Variants in POLR3E observed in about 807,000 individuals in gnomAD.
POLR3E encodes RNA polymerase III subunit E.
In POLR3E, 41 loss-of-function variants were observed where a neutral mutation model predicts 96.6. The ratio of observed to expected loss-of-function variants is 0.42; its 90% CI spans 0.33 to 0.55. POLR3E has a LOEUF of 0.55. Among genes scored for constraint, POLR3E ranks in the 20% least tolerant of loss-of-function variants. The pLI is 0.06. For synonymous variants in POLR3E, 396 were observed against 383.6 expected (o/e 1.03, Z -0.38); for missense variants, 849 against 952.1 (o/e 0.89, Z 1.43).
At chr16:22,327,824 C>T (rs903890288) in intron 18 of POLR3E, 3 of 152,264 alleles carry the variant, frequency 2.0e-5, no homozygotes, top group Non-Finnish European at 4.4e-5. Flanking sequence ...GTTTCTAATG[C>T]TCAAATGCAA....
In POLR3E at chr16:22,313,681, G is replaced by A. The variant is rs1243168972; in HGVS notation, c.426G>A (p.Leu142=). The change falls in exon 7 of 21, where the codon CTG becomes CTA. Residue 142 remains leucine, a synonymous_variant. Coordinates refer to ENST00000299853, the MANE Select transcript of POLR3E (RefSeq NM_018119.4). This position sits in a 1 kb window ranked among gnomAD's most constrained non-coding sequence, Gnocchi z 4.1. ...AGCTGCGGCCCAGCTTCTCCTACCTGGATAAGGCTGACGCCAAGCACCGGG... is the reference window on the plus strand; with the variant it reads ...AGCTGCGGCCCAGCTTCTCCTACCTAGATAAGGCTGACGCCAAGCACCGGG... The part of the protein sequence containing the change: ...ILQLRPSFSY[L]DKADAKHRER... 1.2e-6 allele frequency: 2 copies of A among 1,613,878 alleles called. No individual in the cohort carries two copies. The highest frequency in any genetic ancestry group is 2.2e-5 in the South Asian group (2 of 91,074).
In POLR3E at chr16:22,313,506, G is replaced by A. The variant is rs528063879; in HGVS notation, c.365-114G>A. The A allele has an allele frequency of 1.3e-5, 9 of 678,350 alleles. No individual in the cohort carries two copies. Among genetic ancestry groups the A allele is most frequent in the African/African-American group, 5.3e-5 (3 of 56,086 alleles). The allele number at this position is 678,350 out of a possible 1,614,324, so 42.0% of individuals were successfully genotyped here. A position where few individuals can be genotyped will look rare whatever the true frequency, so the allele number is the denominator to read the frequency against. ...AGACTCTAGGATTGGGGGCTGCAGC[G>A]GGAATGGGAGGCGGTTTGATGGTGG... On this transcript the variant is annotated intron_variant, in intron 6 of 20. Transcript: ENST00000299853. This position sits in a 1 kb window ranked among gnomAD's most constrained non-coding sequence, Gnocchi z 4.1.
rs528993338 is a variant in POLR3E, at chr16:22,301,240, C to T, written c.-38-1691C>T. ...GAGGCTTGTGGGAGATGAGGTCTGG[C>T]AGGTCAAGGGGCAGGAGATTGTTTA... On this transcript the variant is annotated intron_variant, in intron 1 of 20. Transcript: ENST00000299853. Among the ~76,000 whole-genome samples the T allele has an allele frequency of 3.9e-5, 6 of 152,204 alleles. No homozygotes were observed. In the East Asian group the frequency reaches 7.7e-4, roughly 20 times the overall value.
chr16:22,326,603 T>A, intron 18 of POLR3E: 1 of 454,138 alleles, frequency 2.2e-6, no homozygotes, highest in Non-Finnish European at 4.0e-6. Context: ...ACCTGTTTCC[T>A]ACTAGCTTTG....
At chr16:22,333,520 C>A in intron 20 of POLR3E, 124 bp from the exon 21 acceptor site, 2 of 687,472 alleles carry the variant, frequency 2.9e-6, no homozygotes, top group Non-Finnish European at 5.3e-6. Flanking sequence ...TATGGTTAGG[C>A]AGTTTTTGAT....
chr16:22,308,782 G>A (rs1465534633), intron 4 of POLR3E, 143 bp from the exon 5 acceptor site: 1 of 605,828 alleles, frequency 1.7e-6, no homozygotes, highest in African/African-American at 1.9e-5. Context: ...GTGGACTGAA[G>A]TCCAGGGGCC....
Position 22,333,795 on chromosome 16 carries a change from C to G in POLR3E, c.*95C>G. The G allele has an allele frequency of 1.2e-6, 1 of 830,134 alleles. No homozygotes were observed. The highest frequency in any genetic ancestry group is 2.1e-6 in the Non-Finnish European group (1 of 474,280). The allele number at this position is 830,134 out of a possible 1,614,324, so 51.4% of individuals were successfully genotyped here. ...TCGACTTGCTTCAGACGACACAGAG[C>G]AAGAGGAACTGACCATCTCATGACC... On this transcript the variant is annotated 3_prime_UTR_variant, in exon 21 of 21. Transcript: ENST00000299853.
rs369243430 is a variant in POLR3E at position 22,302,920 on chromosome 16, C to G, written c.-38-11C>G. 1.3e-6 allele frequency: 2 copies of G among 1,573,320 alleles called. No individual in the cohort carries two copies. The highest frequency in any genetic ancestry group is 8.7e-7 in the Non-Finnish European group (1 of 1,142,912). On this transcript the variant is annotated splice_polypyrimidine_tract_variant and intron_variant, in intron 1 of 20. Coordinates refer to ENST00000299853, the MANE Select transcript of POLR3E (RefSeq NM_018119.4). Reference sequence around the variant, plus strand: ...CGACTGATGGTCCCAGTCTCTCGCCCTCCTTTGCAGATCGAGCTGAAGGAC... The same window carrying G: ...CGACTGATGGTCCCAGTCTCTCGCCGTCCTTTGCAGATCGAGCTGAAGGAC...
chr16:22,326,150 G>C lies in POLR3E; in HGVS notation c.1738G>C (p.Glu580Gln). The change falls in exon 18 of 21, where the codon GAA (glutamate) becomes CAA (glutamine). Residue 580 changes from glutamate (E) to glutamine (Q), a missense_variant. Coordinates refer to ENST00000299853, the MANE Select transcript of POLR3E (RefSeq NM_018119.4). ...GAGACAGTTTGTGCTCACGCTGAGCGAACTCAAGCGCCTCTTCAATCTGCA... is the reference window on the plus strand; with the variant it reads ...GAGACAGTTTGTGCTCACGCTGAGCCAACTCAAGCGCCTCTTCAATCTGCA... ...FQRQFVLTLS[E>Q]LKRLFNLHLA... 3 of 1,614,008 alleles carry C rather than the reference G, an allele frequency of 1.9e-6. No individual in the cohort carries two copies. Among genetic ancestry groups the C allele is most frequent in the Non-Finnish European group, 2.5e-6 (3 of 1,180,016 alleles).
At position 22,317,018 on chromosome 16, in the gene POLR3E, C is replaced by T. The variant is rs1334844446; in HGVS notation, c.752C>T (p.Pro251Leu). The change falls in exon 11 of 21, where the codon CCA becomes CTA. Residue 251 changes from proline to leucine, a missense_variant. Physicochemically the swap from Pro to Leu is moderately conservative, Grantham distance 98. Coordinates refer to ENST00000299853, the MANE Select transcript of POLR3E (RefSeq NM_018119.4). ...AGTGAGTACCTGATGATGCTGATGC[C>T]ACCCAGCCAGGAGGAGGAGAAGTGA... ...SPSEYLMMLM[P>L]PSQEEEKDKP... 6.2e-7 allele frequency: 1 copy of T among 1,614,190 alleles called. No individual in the cohort carries two copies.
chr16:22,311,409 G>T (rs1213253617), intron 6 of POLR3E, among the ~76,000 whole-genome samples: 2 of 151,408 alleles, frequency 1.3e-5, no homozygotes, highest in Admixed American at 6.6e-5. Flanking sequence ...TGTCCTATAA[G>T]CTGGTTTTAG....
In POLR3E at chr16:22,318,867, C is replaced by T; in HGVS notation, c.907C>T (p.Pro303Ser). 6.2e-7 allele frequency: 1 copy of T among 1,613,402 alleles called. No individual in the cohort carries two copies. Among genetic ancestry groups the T allele is most frequent in the Non-Finnish European group, 8.5e-7 (1 of 1,179,530 alleles). ...PFANLMSLLG[P>S]SIDSVAVLRG... ...TGCCAACTTGATGAGCCTCCTGGGC[C>T]CCTCCATCGATTCCGTGGCTGTTCT... The change falls in exon 13 of 21, where the codon CCC becomes TCC. Residue 303 changes from proline to serine, a missense_variant. By Grantham distance (74) the Pro-to-Ser change is moderately conservative. Coordinates refer to ENST00000299853, the MANE Select transcript of POLR3E (RefSeq NM_018119.4). The surrounding 1 kb of genome is among the most constrained non-coding windows in gnomAD (Gnocchi z 5.0).
rs772522490 is a variant in POLR3E, at chr16:22,316,706, C to A, written c.728+20C>A. On this transcript the variant is annotated intron_variant, in intron 10 of 20. Transcript: ENST00000299853. Reference sequence around the variant, plus strand: ...ACCCAGGTGGGATGGGCTGGGCCAGCATGCAAACTGGATGCCTGCCCAGGG... The same window carrying A: ...ACCCAGGTGGGATGGGCTGGGCCAGAATGCAAACTGGATGCCTGCCCAGGG... 1.9e-6 allele frequency: 3 copies of A among 1,598,264 alleles called. No individual in the cohort carries two copies. Among genetic ancestry groups the A allele is most frequent in the Non-Finnish European group, 2.6e-6 (3 of 1,165,642 alleles).
intron 1 of POLR3E, among the ~76,000 whole-genome samples, chr16:22,298,613 A>G (rs1173032012): frequency 6.6e-6 from 1 of 152,196 alleles, no homozygotes. Context: ...CCACTTAACC[A>G]TACTGCCGTT....
intron 2 of POLR3E, among the ~76,000 whole-genome samples, chr16:22,303,807 A>ATTTTT (rs56737281): frequency 6.3e-5 from 7 of 110,794 alleles, no homozygotes; most frequent in Non-Finnish European, 5.2e-5. Flanking sequence ...CGCCCGACTA[A>ATTTTT]TTTTTTTTTT....
intron 6 of POLR3E, among the ~76,000 whole-genome samples, chr16:22,312,142 G>A (rs967367975): frequency 1.3e-5 from 2 of 152,172 alleles, no homozygotes; most frequent in Non-Finnish European, 2.9e-5. Context: ...TTTTTGTGGT[G>A]ATGAGAATGT....
intron 6 of POLR3E, among the ~76,000 whole-genome samples, chr16:22,311,116 C>T (rs1598248412): frequency 6.6e-6 from 1 of 152,182 alleles, no homozygotes; most frequent in East Asian, 1.9e-4. Context: ...CAGGTGCACA[C>T]ACCACCATGC....
chr16:22,317,994 G>C (rs903452059), intron 12 of POLR3E, among the ~76,000 whole-genome samples: 1 of 152,080 alleles, frequency 6.6e-6, no homozygotes, highest in African/African-American at 2.4e-5. Flanking sequence ...CAGAACCTGG[G>C]CTCGTCCTTT....
In POLR3E at chr16:22,323,132, G is replaced by A. The variant is rs73539900; in HGVS notation, c.1068+201G>A. Among the ~76,000 whole-genome samples the A allele has an allele frequency of 5.8e-3, 884 of 152,134 alleles. 9 individuals are homozygous for A. Among genetic ancestry groups the A allele is most frequent in the African/African-American group, 0.02 (847 of 41,486 alleles). On this transcript the variant is annotated intron_variant, in intron 14 of 20. Transcript: ENST00000299853. ...GAAAGAACCTTCCAGTTCCTCTAGC[G>A]CAGTCGGGGGGTGGGTCAAGAAGCA...
Sources: allele counts gnomAD v4.1 joint callset (sites outside exome capture counted in the v4.1 genomes callset), GRCh38; gene constraint gnomAD v4.1.1; non-coding constraint Gnocchi (gnomAD v3.1); transcripts MANE v1.5; gene names NCBI Gene and HGNC (gene_info 2026-07-23, HGNC 2026-07-21).